Variants in TENM4 observed in about 807,000 individuals in gnomAD.
The protein encoded by TENM4 is teneurin transmembrane protein 4, also known as teneurin-4.
In TENM4, 82 loss-of-function variants were observed where a neutral mutation model predicts 243.3. The ratio of observed to expected loss-of-function variants is 0.34; its 90% CI spans 0.28 to 0.40. The LOEUF (loss-of-function observed/expected upper bound fraction) is 0.40, where lower values mean the gene tolerates loss of function less well. Among genes scored for constraint, TENM4 ranks in the 10% least tolerant of loss-of-function variants. The probability of loss-of-function intolerance (pLI) is 1.00; values close to 1 mark genes in which losing one functional copy is unlikely to be tolerated. For missense variants in TENM4, 3,138 were observed against 3,673.3 expected (o/e 0.85, Z 3.77); for synonymous variants, 1,412 against 1,456.3 (o/e 0.97, Z 0.69).
At position 79,227,425 on chromosome 11, in the gene TENM4, C is replaced by G. The variant is rs114841226; in HGVS notation, c.-264-11516G>C. Among the ~76,000 whole-genome samples the G allele has an allele frequency of 4.4e-3, 671 of 152,312 alleles. 5 individuals carry two copies. Among genetic ancestry groups the G allele is most frequent in the African/African-American group, 0.015 (640 of 41,562 alleles). ...GGGTTTCTTTTTTCCTGCCTAAACT[C>G]TGACTGATAAACGTGCTGAGAAAGA... On this transcript the variant is annotated intron_variant, in intron 2 of 33. Coordinates refer to ENST00000278550, the MANE Select transcript of TENM4 (RefSeq NM_001098816.3).
At chr11:79,386,123 C>T (rs1190801662) in intron 1 of TENM4, among the ~76,000 whole-genome samples, 4 of 152,176 alleles carry the variant, frequency 2.6e-5, no homozygotes, top group Non-Finnish European at 1.5e-5. Flanking sequence ...AAATGATCAG[C>T]CACCTGATCT....
At chr11:79,173,551 T>G (rs1345741192) in intron 3 of TENM4, among the ~76,000 whole-genome samples, 1 of 152,194 alleles carries the variant, frequency 6.6e-6, no homozygotes, top group Non-Finnish European at 1.5e-5. Flanking sequence ...AGCTAAATTA[T>G]TCATTATCAA....
At chr11:78,996,683 G>A (rs887425657) in intron 6 of TENM4, among the ~76,000 whole-genome samples, 2 of 152,210 alleles carry the variant, frequency 1.3e-5, no homozygotes, top group African/African-American at 4.8e-5. Flanking sequence ...GACCCAAGCA[G>A]TGCTGCTTTG....
intron 12 of TENM4, among the ~76,000 whole-genome samples, chr11:78,840,111 C>T (rs1858219456): frequency 2.0e-5 from 3 of 152,204 alleles, no homozygotes; most frequent in African/African-American, 7.2e-5. Flanking sequence ...CTTTCTTCCT[C>T]CATCACTTAA....
intron 4 of TENM4, among the ~76,000 whole-genome samples, chr11:79,088,321 C>G (rs1467223449): frequency 2.6e-5 from 4 of 152,120 alleles, no homozygotes; most frequent in Admixed American, 2.0e-4. Flanking sequence ...TCCTTCACAT[C>G]TCATGTCACT....
intron 6 of TENM4, among the ~76,000 whole-genome samples, chr11:79,056,866 TGAG>T: frequency 6.6e-6 from 1 of 152,186 alleles, no homozygotes; most frequent in Non-Finnish European, 1.5e-5. Flanking sequence ...AAGGTAGCTG[TGAG>T]GCTGGGAGAA....
chr11:79,424,730 C>G (rs1306981183), intron 1 of TENM4, among the ~76,000 whole-genome samples: 1 of 152,090 alleles, frequency 6.6e-6, no homozygotes, highest in South Asian at 2.1e-4. Flanking sequence ...GTCAGGATAT[C>G]GAGACCACCC....
intron 11 of TENM4, among the ~76,000 whole-genome samples, chr11:78,855,564 C>T (rs190988064): frequency 5.9e-5 from 9 of 152,302 alleles, no homozygotes; most frequent in East Asian, 1.9e-4. Flanking sequence ...GTATTGTTAC[C>T]GGCATCTTAT....
At chr11:78,708,286 C>T in intron 27 of TENM4, 75 bp downstream of exon 27, 2 of 1,587,774 alleles carry the variant, frequency 1.3e-6, no homozygotes, top group South Asian at 2.3e-5. Context: ...AGATGAATGG[C>T]CAGCAGGCTG....
At chr11:79,354,154 A>T (rs779854945) in intron 1 of TENM4, among the ~76,000 whole-genome samples, 4 of 152,228 alleles carry the variant, frequency 2.6e-5, no homozygotes, top group Non-Finnish European at 5.9e-5. Flanking sequence ...AAAGCTACAT[A>T]AAAGTCCTTA....
Position 78,882,926 on chromosome 11 carries a change from A to G in TENM4, c.1084+6859T>C, listed in dbSNP as rs747236287. Among the ~76,000 whole-genome samples the G allele has an allele frequency of 2.1e-4, 32 of 152,336 alleles. No individual in the cohort carries two copies. In the Middle Eastern group the frequency reaches 0.014, roughly 65 times the overall value. ...TGTGCAGTTGAAAAATGCAGATGCA[A>G]CCTAATTTAAGAAAGGATCCCTCAT... On this transcript the variant is annotated intron_variant, in intron 9 of 33. Coordinates refer to ENST00000278550, the MANE Select transcript of TENM4 (RefSeq NM_001098816.3).
At chr11:78,688,340 G>A (rs904874086) in intron 28 of TENM4, 114 bp from the exon 29 acceptor site, 1 of 1,182,344 alleles carries the variant, frequency 8.5e-7, no homozygotes, top group Middle Eastern at 2.0e-4. Context: ...CTTTCTGGCT[G>A]GATACATTCC....
chr11:78,698,735 T>C (rs1859033560), intron 28 of TENM4, among the ~76,000 whole-genome samples: 1 of 152,200 alleles, frequency 6.6e-6, no homozygotes. Flanking sequence ...AGAAATGGGG[T>C]AGGGCAGGGG....
chr11:78,957,682 A>G (rs755456100), intron 6 of TENM4, among the ~76,000 whole-genome samples: 46 of 152,344 alleles, frequency 3.0e-4, no homozygotes, highest in Non-Finnish European at 4.1e-4. Context: ...AGAAATTTGT[A>G]AGGCAAGGCA....
At chr11:79,297,142 T>A (rs537808211) in intron 2 of TENM4, among the ~76,000 whole-genome samples, 16 of 152,286 alleles carry the variant, frequency 1.1e-4, no homozygotes, top group African/African-American at 3.9e-4. Flanking sequence ...TTGGGTCTAT[T>A]GAAGGGAGAG....
In TENM4 at chr11:78,672,068, C is replaced by T. The variant is rs1302269001; in HGVS notation, c.5758G>A (p.Asp1920Asn). Residue 1920 changes from aspartate to asparagine, a missense_variant, in exon 31 of 34, where the codon GAT (aspartate) becomes AAT (asparagine). Physicochemically the swap from Asp to Asn is conservative, Grantham distance 23 (BLOSUM62 1). Transcript: ENST00000278550. ...TATGTGTAGCTCCATGTCTTCCCAT[C>T]AGCGAAGATCCTGGATGTGATGCGG... ...AGRITSRIFA[D>N]GKTWSYTYLE... 6.2e-7 allele frequency: 1 copy of T among 1,613,978 alleles called. No homozygotes were observed. The highest frequency in any genetic ancestry group is 1.7e-5 in the Admixed American group (1 of 60,018).
At chr11:79,053,520 C>T (rs1017633378) in intron 6 of TENM4, among the ~76,000 whole-genome samples, 6 of 152,192 alleles carry the variant, frequency 3.9e-5, no homozygotes, top group African/African-American at 1.4e-4. Flanking sequence ...TCCTCTCTGG[C>T]CTCATCTTTT....
intron 1 of TENM4, among the ~76,000 whole-genome samples, chr11:79,301,355 G>T (rs1856546688): frequency 6.6e-6 from 1 of 152,102 alleles, no homozygotes; most frequent in South Asian, 2.1e-4. Flanking sequence ...CCCCTTTCAG[G>T]TTTGCGAATA....
At chr11:79,386,809 T>A (rs1051519901) in intron 1 of TENM4, among the ~76,000 whole-genome samples, 4 of 151,918 alleles carry the variant, frequency 2.6e-5, no homozygotes, top group Middle Eastern at 3.2e-3. Flanking sequence ...AGCAAAAATA[T>A]CAGAACTCTC....
Sources: gnomAD v4.1 joint callset for allele counts (sites outside exome capture counted in the v4.1 genomes callset) on GRCh38, gnomAD v4.1.1 for gene constraint, MANE v1.5 for transcripts, NCBI Gene and HGNC (gene_info 2026-07-23, HGNC 2026-07-21) for gene names.